Variants in EXPH5 observed in about 807,000 individuals in gnomAD.
EXPH5 encodes exophilin 5.
Under a neutral mutation model 41.1 loss-of-function variants are expected in EXPH5, and 42 were observed. The observed-to-expected ratio is 1.02, with a 90% CI of 0.80 to 1.32. The LOEUF (loss-of-function observed/expected upper bound fraction) is 1.32, where lower values mean the gene tolerates loss of function less well. Ranked by LOEUF, EXPH5 falls within the 40% of genes most tolerant of loss-of-function variation. The pLI, the probability that EXPH5 is intolerant of heterozygous loss-of-function variation, is 0.00. For missense variants in EXPH5, 2,298 were observed against 2,314.5 expected (o/e 0.99, Z 0.15); for synonymous variants, 798 against 833.5 (o/e 0.96, Z 0.73).
At chr11:108,583,303 A>G (rs1199601078) in intron 1 of EXPH5, among the ~76,000 whole-genome samples, 1 of 151,506 alleles carries the variant, frequency 6.6e-6, no homozygotes, top group Non-Finnish European at 1.5e-5. Context: ...AATGGCGTGA[A>G]CCCGAGTGCA....
At chr11:108,528,620 G>A (rs1471619296) in intron 3 of EXPH5, among the ~76,000 whole-genome samples, 1 of 150,568 alleles carries the variant, frequency 6.6e-6, no homozygotes, top group Non-Finnish European at 1.5e-5. Context: ...AGAATACATA[G>A]TTAGTTGCTG....
At chr11:108,519,534 G>A (rs961223403) in intron 4 of EXPH5, among the ~76,000 whole-genome samples, 2 of 152,098 alleles carry the variant, frequency 1.3e-5, no homozygotes, top group Non-Finnish European at 2.9e-5. Flanking sequence ...ATCACTTGAG[G>A]CCAGGAGTTC....
At chr11:108,518,719 T>C (rs930901311) in intron 4 of EXPH5, among the ~76,000 whole-genome samples, 1 of 152,212 alleles carries the variant, frequency 6.6e-6, no homozygotes, top group Admixed American at 6.5e-5. Flanking sequence ...TGAGACCTAC[T>C]GGGCTGCATT....
Position 108,518,287 on chromosome 11 carries a change from A to G in EXPH5, c.579T>C (p.Ser193=). 1 of 1,613,516 alleles carries G rather than the reference A, an allele frequency of 6.2e-7. No homozygotes were observed. The highest frequency in any genetic ancestry group is 8.5e-7 in the Non-Finnish European group (1 of 1,179,690). The change falls in exon 5 of 6, where the codon AGT becomes AGC. Residue 193 remains serine, a synonymous_variant. Coordinates refer to ENST00000265843, the MANE Select transcript of EXPH5 (RefSeq NM_015065.3). ...VPKPAVMREE[S]GMPPPWDASL... The stretch of plus-strand genomic sequence containing the variant: ...AAGCATCCCACGGTGGAGGCATGCC[A>G]CTCTCCTCCCTCATGACTGCTGGCT...
intron 1 of EXPH5, among the ~76,000 whole-genome samples, chr11:108,588,868 CA>C (rs2094120787): frequency 6.6e-6 from 1 of 152,106 alleles, no homozygotes; most frequent in Non-Finnish European, 1.5e-5. Flanking sequence ...CCTGTGGGGA[CA>C]AATCCACAGG....
At chr11:108,582,185 T>A (rs972580189) in intron 1 of EXPH5, among the ~76,000 whole-genome samples, 4 of 152,172 alleles carry the variant, frequency 2.6e-5, no homozygotes, top group African/African-American at 7.2e-5. Flanking sequence ...GTATACAGGC[T>A]GGGCGTGGTG....
At chr11:108,562,032 C>T (rs141962585) in intron 1 of EXPH5, among the ~76,000 whole-genome samples, 21 of 152,268 alleles carry the variant, frequency 1.4e-4, no homozygotes, top group African/African-American at 5.1e-4. Context: ...AGGGTTGAGG[C>T]CGTTTCCTGT....
intron 3 of EXPH5, 41 bp downstream of exon 3, chr11:108,538,983 G>T: frequency 6.8e-7 from 1 of 1,479,354 alleles, no homozygotes; most frequent in Non-Finnish European, 9.1e-7. Flanking sequence ...CTCTGATATC[G>T]GATAACAAAT....
At chr11:108,598,768 A>G (rs889437171), upstream of EXPH5, among the ~76,000 whole-genome samples, 1 of 152,190 alleles carries the variant, frequency 6.6e-6, no homozygotes, top group African/African-American at 2.4e-5. Flanking sequence ...GTAAATATCC[A>G]GAAGAGGGAC....
At position 108,513,117 on chromosome 11, in the gene EXPH5, C is replaced by T. The variant is rs747350727; in HGVS notation, c.2390G>A (p.Arg797Lys). 3.1e-6 allele frequency: 5 copies of T among 1,611,140 alleles called. No individual in the cohort carries two copies. Among genetic ancestry groups the T allele is most frequent in the Non-Finnish European group, 4.2e-6 (5 of 1,179,284 alleles). The change falls in exon 6 of 6, where the codon AGG becomes AAG. Residue 797 changes from arginine (R) to lysine (K), a missense_variant. Physicochemically the swap from Arg to Lys is conservative, Grantham distance 26 (BLOSUM62 2). Coordinates refer to ENST00000265843, the MANE Select transcript of EXPH5 (RefSeq NM_015065.3). ...DKSNDIKQDKRFTENRKLGST... is the reference protein window; with the variant it reads ...DKSNDIKQDKKFTENRKLGST... ...GCCAAGTTTTCTGTTTTCAGTAAAC[C>T]TCTTATCTTGTTTAATGTCATTGGA...
At chr11:108,575,557 A>C (rs918147239) in intron 1 of EXPH5, among the ~76,000 whole-genome samples, 1 of 152,272 alleles carries the variant, frequency 6.6e-6, no homozygotes, top group Non-Finnish European at 1.5e-5. Context: ...GAATATATGC[A>C]GTAGAATAGT....
chr11:108,578,716 G>A (rs1313271642), intron 1 of EXPH5, among the ~76,000 whole-genome samples: 1 of 152,164 alleles, frequency 6.6e-6, no homozygotes, highest in East Asian at 1.9e-4. Context: ...TATCATCAGC[G>A]TTTTATAGTT....
chr11:108,584,340 T>C (rs1333851184), intron 1 of EXPH5, among the ~76,000 whole-genome samples: 4 of 152,070 alleles, frequency 2.6e-5, no homozygotes, highest in African/African-American at 9.7e-5. Flanking sequence ...TAGCTAGGTG[T>C]GGCGTCACAC....
chr11:108,579,755 C>T (rs2094092038), intron 1 of EXPH5, among the ~76,000 whole-genome samples: 6 of 152,048 alleles, frequency 3.9e-5, no homozygotes, highest in Admixed American at 3.3e-4. Flanking sequence ...TCCACTATAC[C>T]CTGATTTGGA....
chr11:108,536,900 T>C (rs1001171916), intron 3 of EXPH5, among the ~76,000 whole-genome samples: 2 of 152,210 alleles, frequency 1.3e-5, no homozygotes, highest in Non-Finnish European at 2.9e-5. Flanking sequence ...TGATTTGTTT[T>C]CCAGAACACT....
intron 1 of EXPH5, among the ~76,000 whole-genome samples, chr11:108,570,346 CT>C (rs1267317834): frequency 6.6e-6 from 1 of 152,120 alleles, no homozygotes; most frequent in Non-Finnish European, 1.5e-5. Context: ...CCTCCGCCTC[CT>C]GGGTTCAAGC....
chr11:108,513,505 T>G lies in EXPH5; in HGVS notation c.2002A>C (p.Ser668Arg). Reference sequence around the variant, plus strand: ...CTGGTCACAGTGACTTCTGTATGGCTTCTCATTGGATGAGAGGCAGGCTTA... The same window carrying G: ...CTGGTCACAGTGACTTCTGTATGGCGTCTCATTGGATGAGAGGCAGGCTTA... The part of the protein sequence containing the change: ...PNKPASHPMR[S>R]HTEVTVTSSN... The change falls in exon 6 of 6, where the codon AGC becomes CGC. Residue 668 changes from serine (S) to arginine (R), a missense_variant. Coordinates refer to ENST00000265843, the MANE Select transcript of EXPH5 (RefSeq NM_015065.3). 1 of 1,614,172 alleles carries G rather than the reference T, an allele frequency of 6.2e-7. No homozygotes were observed.
intron 1 of EXPH5, among the ~76,000 whole-genome samples, chr11:108,546,825 T>C (rs1591722007): frequency 5.2e-4 from 1 of 1,928 alleles, no homozygotes; most frequent in Non-Finnish European, 1.1e-3. Context: ...TTTCTATTAT[T>C]TTTTTTTTTT....
chr11:108,569,480 C>T (rs1177975708), intron 1 of EXPH5, among the ~76,000 whole-genome samples: 2 of 151,324 alleles, frequency 1.3e-5, no homozygotes, highest in African/African-American at 4.9e-5. Flanking sequence ...GCTGAGATTG[C>T]AGGCACACGC....
Sources: gnomAD v4.1 joint callset for allele counts (sites outside exome capture counted in the v4.1 genomes callset) on GRCh38, gnomAD v4.1.1 for gene constraint, MANE v1.5 for transcripts, NCBI Gene and HGNC (gene_info 2026-07-23, HGNC 2026-07-21) for gene names.